The following QPRT variants were observed in gnomAD, a reference collection of about 807,000 sequenced individuals.
QPRT encodes the protein quinolinate phosphoribosyltransferase.
Under a neutral mutation model 19.8 loss-of-function variants are expected in QPRT, and 17 were observed. The observed-to-expected ratio is 0.86, with a 90% CI of 0.59 to 1.29. QPRT has a LOEUF of 1.29. Ranked by LOEUF, QPRT falls within the 50% of genes most tolerant of loss-of-function variation. QPRT has a pLI of 0.00. For missense variants in QPRT, 336 were observed against 405.1 expected (o/e 0.83, Z 1.46); for synonymous variants, 178 against 191.0 (o/e 0.93, Z 0.56).
intron 1 of QPRT, among the ~76,000 whole-genome samples, chr16:29,686,368 C>T (rs1005301957): frequency 3.3e-5 from 5 of 152,202 alleles, no homozygotes; most frequent in African/African-American, 1.2e-4. Context: ...GCAAACATCA[C>T]TCACCGGTCC....
Position 29,698,174 on chromosome 16 carries a change from G to C in QPRT, c.*763G>C, listed in dbSNP as rs888026575. ...GTGAGTGCACAGCAGATGGAGGTTT[G>C]CTGGGCAGAGACACTGGGCTGGCCT... On this transcript the variant is annotated 3_prime_UTR_variant, in exon 4 of 4. Transcript: ENST00000395384. The C allele has an allele frequency of 6.6e-6, 1 of 152,300 alleles. No individual in the cohort carries two copies. The highest frequency in any genetic ancestry group is 1.5e-5 in the Non-Finnish European group (1 of 68,154). The allele number at this position is 152,300 out of a possible 1,614,324, so 9.4% of individuals were successfully genotyped here. A position where few individuals can be genotyped will look rare whatever the true frequency, so the allele number is the denominator to read the frequency against.
chr16:29,692,442 G>A (rs1301795348), intron 1 of QPRT, among the ~76,000 whole-genome samples: 5 of 151,844 alleles, frequency 3.3e-5, no homozygotes, highest in African/African-American at 4.8e-5. Flanking sequence ...TTAGCCAGGC[G>A]TGGTGGTGGG....
intron 2 of QPRT, chr16:29,695,756 G>C (rs569087919): frequency 6.7e-6 from 1 of 148,302 alleles, no homozygotes; most frequent in African/African-American, 2.5e-5. Context: ...CTCCCAAAGT[G>C]CTGGGATTAC....
Position 29,697,564 on chromosome 16 carries a change from T to A in QPRT, c.*153T>A. ...TCTGCCACCTGCTGCTCCTGTGACCTGTCAGGGCTGACTTCACCTCTGCTC... is the reference window on the plus strand; with the variant it reads ...TCTGCCACCTGCTGCTCCTGTGACCAGTCAGGGCTGACTTCACCTCTGCTC... On this transcript the variant is annotated 3_prime_UTR_variant, in exon 4 of 4. Coordinates refer to ENST00000395384, the MANE Select transcript of QPRT (RefSeq NM_014298.6). This position sits in a 1 kb window ranked among gnomAD's most constrained non-coding sequence, Gnocchi z 4.4. 1.3e-6 allele frequency: 1 copy of A among 753,032 alleles called. No homozygotes were observed. The highest frequency in any genetic ancestry group is 2.1e-6 in the Non-Finnish European group (1 of 475,126). 46.6% of individuals were successfully genotyped at this position (753,032 alleles called of 1,614,324 possible).
In QPRT at chr16:29,694,663, G is replaced by A; in HGVS notation, c.14-1G>A. On this transcript the variant is annotated splice_acceptor_variant, in intron 1 of 3. Transcript: ENST00000395384. LOFTEE classifies it high-confidence loss of function. ...CAACAGCTGTTCTCTCTTCCCCCCA[G>A]GCCTGGCGCTGCTGCTGCCGCCCGT... The A allele has an allele frequency of 6.5e-7, 1 of 1,539,154 alleles. No homozygotes were observed. The highest frequency in any genetic ancestry group is 8.7e-7 in the Non-Finnish European group (1 of 1,143,034).
At chr16:29,694,060 C>G (rs1005474873) in intron 1 of QPRT, among the ~76,000 whole-genome samples, 1 of 151,976 alleles carries the variant, frequency 6.6e-6, no homozygotes, top group Non-Finnish European at 1.5e-5. Flanking sequence ...AGTGATCTGC[C>G]TGCCCCAGCC....
intron 1 of QPRT, among the ~76,000 whole-genome samples, chr16:29,693,469 G>A (rs545524809): frequency 6.6e-5 from 10 of 152,058 alleles, no homozygotes; most frequent in African/African-American, 1.9e-4. Context: ...ATGTTGGCCA[G>A]GCTGGTCTTG....
intron 1 of QPRT, among the ~76,000 whole-genome samples, chr16:29,683,292 A>G (rs1332143187): frequency 1.3e-5 from 2 of 151,646 alleles, no homozygotes; most frequent in African/African-American, 4.9e-5. Flanking sequence ...GGCCTCCCAA[A>G]GTGCTGGGAT....
chr16:29,683,070 G>C (rs145634669), intron 1 of QPRT, among the ~76,000 whole-genome samples: 48,979 of 149,766 alleles, frequency 0.33, 8,864 homozygotes, highest in Middle Eastern at 0.49. Context: ...TGTTGCCCAG[G>C]CTGGAGTGCA....
Position 29,689,118 on chromosome 16 carries a change from C to T in QPRT, c.14-5546C>T, listed in dbSNP as rs561899536. ...TTAAATTTAACTTTTTTTTTGAGAC[C>T]GAATTGCACTCTGTCACCCAGGATG... is the stretch of plus-strand genomic sequence containing the variant. On this transcript the variant is annotated intron_variant, in intron 1 of 3. Coordinates refer to ENST00000395384, the MANE Select transcript of QPRT (RefSeq NM_014298.6). Among the ~76,000 whole-genome samples the T allele has an allele frequency of 8.6e-4, 128 of 147,978 alleles. 1 individual carries two copies. The Middle Eastern group carries it at 0.019, about 22-fold the overall frequency.
intron 2 of QPRT, chr16:29,696,204 AAACATC>A (rs1967527711): frequency 6.6e-6 from 1 of 152,198 alleles, no homozygotes; most frequent in African/African-American, 2.4e-5. Context: ...ACCTACAATA[AAACATC>A]CTGGCTCAGT....
At chr16:29,683,330 A>G (rs1967068755) in intron 1 of QPRT, among the ~76,000 whole-genome samples, 1 of 151,058 alleles carries the variant, frequency 6.6e-6, no homozygotes, top group Non-Finnish European at 1.5e-5. Flanking sequence ...CGCCCAGCCA[A>G]TATGTGGTCT....
intron 1 of QPRT, among the ~76,000 whole-genome samples, chr16:29,680,402 C>G (rs1966964522): frequency 6.6e-6 from 1 of 152,160 alleles, no homozygotes; most frequent in Non-Finnish European, 1.5e-5. Context: ...GTCATGTTCA[C>G]TGGCCTGGGG....
Position 29,697,367 on chromosome 16 carries a change from A to C in QPRT, c.850A>C (p.Lys284Gln). 1 of 1,613,856 alleles carries C rather than the reference A, an allele frequency of 6.2e-7. No homozygotes were observed. Among genetic ancestry groups the C allele is most frequent in the Non-Finnish European group, 8.5e-7 (1 of 1,179,960 alleles). Residue 284 changes from lysine (K) to glutamine (Q), a missense_variant, in exon 4 of 4, where the codon AAG becomes CAG. Physicochemically the swap from Lys to Gln is moderately conservative, Grantham distance 53 (BLOSUM62 1). Transcript: ENST00000395384. The surrounding 1 kb of genome is among the most constrained non-coding windows in gnomAD (Gnocchi z 4.4). ...QAAPALDFSLKLFAKEVAPVP... is the reference protein window; with the variant it reads ...QAAPALDFSLQLFAKEVAPVP... ...GGCCCCAGCCCTTGATTTCTCCCTC[A>C]AGCTGTTTGCCAAAGAGGTGGCTCC...
chr16:29,686,582 C>T (rs1413738704), intron 1 of QPRT, among the ~76,000 whole-genome samples: 1 of 152,204 alleles, frequency 6.6e-6, no homozygotes, highest in Non-Finnish European at 1.5e-5. Context: ...CTGCAACCTC[C>T]GCCTCCCAAG....
In QPRT at chr16:29,697,025, C is replaced by G. The variant is rs772071752; in HGVS notation, c.579C>G (p.Asp193Glu). The change falls in exon 3 of 4, where the codon GAC becomes GAG. Residue 193 changes from aspartate (D) to glutamate (E), a missense_variant. By Grantham distance (45) the Asp-to-Glu change is conservative. Transcript: ENST00000395384. The surrounding 1 kb of genome is among the most constrained non-coding windows in gnomAD (Gnocchi z 4.4). ...TGCGGGCGGCCAGACAGGCGGCTGA[C>G]TTCACTCTGAAGGTGGAAGTGGAAT... is the stretch of plus-strand genomic sequence containing the variant. ...KAVRAARQAADFTLKVEVECS... is the reference protein window; with the variant it reads ...KAVRAARQAAEFTLKVEVECS... 3.1e-6 allele frequency: 5 copies of G among 1,609,722 alleles called. No homozygotes were observed. In the South Asian group the frequency reaches 4.4e-5, roughly 14 times the overall value.
chr16:29,694,624 G>A, intron 1 of QPRT, 40 bp from the exon 2 acceptor site: 1 of 1,508,006 alleles, frequency 6.6e-7, no homozygotes, highest in Non-Finnish European at 8.9e-7. Flanking sequence ...GACAGCAGGA[G>A]AGGCAGCCAA....
intron 1 of QPRT, among the ~76,000 whole-genome samples, chr16:29,688,150 TG>T (rs1283876360): frequency 6.6e-6 from 1 of 151,326 alleles, no homozygotes; most frequent in East Asian, 1.9e-4. Context: ...CTCTACACCA[TG>T]GGGGTTATAG....
At chr16:29,693,672 T>C (rs781330973) in intron 1 of QPRT, among the ~76,000 whole-genome samples, 15 of 151,764 alleles carry the variant, frequency 9.9e-5, no homozygotes, top group Non-Finnish European at 1.8e-4. Flanking sequence ...CTGCAACCTC[T>C]GCTTCCCGGG....
Sources: gnomAD v4.1 joint callset for allele counts (sites outside exome capture counted in the v4.1 genomes callset) on GRCh38, gnomAD v4.1.1 for gene constraint, Gnocchi (gnomAD v3.1) non-coding constraint, MANE v1.5 for transcripts, NCBI Gene and HGNC (gene_info 2026-07-23, HGNC 2026-07-21) for gene names.